The following SYNE2 variants were observed in gnomAD, a reference collection of about 807,000 sequenced individuals.
SYNE2 encodes the protein nesprin-2.
In SYNE2, 431 loss-of-function variants were observed where a neutral mutation model predicts 856.3. The ratio of observed to expected loss-of-function variants is 0.50; its 90% confidence interval spans 0.47 to 0.55. The LOEUF (loss-of-function observed/expected upper bound fraction) is 0.55. Among genes scored for constraint, SYNE2 ranks in the 20% least tolerant of loss-of-function variants. The pLI, the probability that SYNE2 is intolerant of heterozygous loss-of-function variation, is 0.00. For missense variants in SYNE2, 8,129 were observed against 8,023.2 expected (o/e 1.01, Z -0.50); for synonymous variants, 2,923 against 2,872.3 (o/e 1.02, Z -0.56).
intron 1 of SYNE2, among the ~76,000 whole-genome samples, chr14:63,842,042 G>C (rs1461087285): frequency 1.3e-5 from 2 of 151,762 alleles, no homozygotes; most frequent in Non-Finnish European, 2.9e-5. Flanking sequence ...CACCATGTTA[G>C]CCAGGGTGGT....
At chr14:64,188,353 A>AT (rs1438549972) in intron 97 of SYNE2, among the ~76,000 whole-genome samples, 197 bp from the exon 98 acceptor site, 2 of 152,130 alleles carry the variant, frequency 1.3e-5, no homozygotes, top group Non-Finnish European at 2.9e-5. Flanking sequence ...TTATTTTGTT[A>AT]TTTTTTATGA....
chr14:63,938,928 ATGTGCGTGTG>A (rs1382449070), intron 2 of SYNE2, among the ~76,000 whole-genome samples: 5 of 146,078 alleles, frequency 3.4e-5, no homozygotes, highest in East Asian at 2.0e-4. Flanking sequence ...TCTAGAGTGC[ATGTGCGTGTG>A]TGTGCGTGTG....
chr14:63,905,889 A>G (rs1007320874), intron 1 of SYNE2, among the ~76,000 whole-genome samples: 1 of 151,860 alleles, frequency 6.6e-6, no homozygotes, highest in Non-Finnish European at 1.5e-5. Context: ...TCTCAGGGGG[A>G]ATTGTTCCAG....
rs139345237 is a variant in SYNE2 at position 64,016,345 on chromosome 14, A to G, written c.4729-128A>G. On this transcript the variant is annotated intron_variant, in intron 32 of 115. Transcript: ENST00000555002. Reference sequence around the variant, plus strand: ...CGATAAAAACGTACTTTAAAAAAGAACAATGTAAGAAGGTATTATGCTTTG... The same window carrying G: ...CGATAAAAACGTACTTTAAAAAAGAGCAATGTAAGAAGGTATTATGCTTTG... 272 of 628,886 alleles carry G rather than the reference A, an allele frequency of 4.3e-4. No homozygotes were observed. In the African/African-American group the frequency reaches 4.8e-3, roughly 11 times the overall value. 39.0% of individuals were successfully genotyped at this position (628,886 alleles called of 1,614,324 possible).
At position 64,220,305 on chromosome 14, in the gene SYNE2, G is replaced by A. The variant is rs2098688467; in HGVS notation, c.19861-132G>A. On this transcript the variant is annotated intron_variant, in intron 110 of 115. Coordinates refer to ENST00000555002, the MANE Select transcript of SYNE2 (RefSeq NM_182914.3). ...CCTGATGCTTTCCAGCCAGTCCCAG[G>A]CGAGGTCACTCTCATTTCTGTGGCC... 9.9e-6 allele frequency: 10 copies of A among 1,012,076 alleles called. No homozygotes were observed. The South Asian group carries it at 1.4e-4, about 14-fold the overall frequency. 62.7% of individuals were successfully genotyped at this position (1,012,076 alleles called of 1,614,324 possible). A position where few individuals can be genotyped will look rare whatever the true frequency, so the allele number is the denominator to read the frequency against.
chr14:63,977,108 C>T (rs2096549596), intron 12 of SYNE2, among the ~76,000 whole-genome samples: 1 of 151,606 alleles, frequency 6.6e-6, no homozygotes, highest in South Asian at 2.1e-4. Context: ...TTTGAGCCTA[C>T]AAAGGAATGG....
At chr14:64,219,532 A>C (rs1459444310) in intron 110 of SYNE2, 122 bp downstream of exon 110, 1 of 950,096 alleles carries the variant, frequency 1.1e-6, no homozygotes, top group African/African-American at 1.6e-5. Context: ...GTGTATGTAG[A>C]GGTCACTCTC....
upstream of SYNE2, among the ~76,000 whole-genome samples, chr14:63,849,718 G>A (rs1372980908): frequency 1.3e-5 from 2 of 152,194 alleles, no homozygotes; most frequent in Non-Finnish European, 2.9e-5. Context: ...ATGAGATCGG[G>A]CGACAGGGAG....
At chr14:63,991,891 T>C (rs918555933) in intron 21 of SYNE2, among the ~76,000 whole-genome samples, 2 of 152,214 alleles carry the variant, frequency 1.3e-5, no homozygotes, top group African/African-American at 4.8e-5. Flanking sequence ...CTACTCTTTA[T>C]GAAAGGGCGC....
chr14:63,899,092 G>A (rs1234337716), intron 1 of SYNE2, among the ~76,000 whole-genome samples: 1 of 152,180 alleles, frequency 6.6e-6, no homozygotes, highest in African/African-American at 2.4e-5. Flanking sequence ...TTTGATGACT[G>A]TAGGTACCTT....
chr14:64,159,054 T>TTAAG (rs1226743333), intron 86 of SYNE2, among the ~76,000 whole-genome samples: 1 of 152,186 alleles, frequency 6.6e-6, no homozygotes, highest in Non-Finnish European at 1.5e-5. Flanking sequence ...ATTTCACAAT[T>TTAAG]TAAGGTTTTG....
chr14:64,020,692 T>G (rs2153532384), intron 35 of SYNE2, among the ~76,000 whole-genome samples: 1 of 152,288 alleles, frequency 6.6e-6, no homozygotes, highest in East Asian at 1.9e-4. Flanking sequence ...TTCACTCAAG[T>G]CATCCTAGGT....
chr14:63,793,478 C>A (rs1887805720), intron 1 of SYNE2, among the ~76,000 whole-genome samples: 2 of 152,196 alleles, frequency 1.3e-5, no homozygotes, highest in Admixed American at 1.3e-4. Context: ...CTGCCATTTT[C>A]ATTTTACTTC....
intron 85 of SYNE2, among the ~76,000 whole-genome samples, chr14:64,155,575 TAAAA>T (rs562563652): frequency 1.5e-5 from 2 of 131,770 alleles, no homozygotes; most frequent in Non-Finnish European, 3.3e-5. Flanking sequence ...TTCAATAAAG[TAAAA>T]AAAAAAAAAA....
chr14:63,802,098 A>G (rs1888152986), intron 1 of SYNE2, among the ~76,000 whole-genome samples: 1 of 150,888 alleles, frequency 6.6e-6, no homozygotes, highest in South Asian at 2.1e-4. Flanking sequence ...GGATAATTCT[A>G]TGTTGTTGTT....
intron 55 of SYNE2, 67 bp from the exon 56 acceptor site, chr14:64,080,389 A>G (rs574283407): frequency 2.4e-5 from 36 of 1,488,302 alleles, no homozygotes; most frequent in Non-Finnish European, 2.4e-5. Flanking sequence ...TACTGTGTGA[A>G]AACCAGGCAT....
intron 60 of SYNE2, among the ~76,000 whole-genome samples, chr14:64,092,824 C>T (rs773454097): frequency 6.6e-6 from 1 of 152,160 alleles, no homozygotes; most frequent in Non-Finnish European, 1.5e-5. Flanking sequence ...GCCTCTTACT[C>T]GTAAAACACA....
At chr14:63,859,818 G>C (rs956620916) in intron 1 of SYNE2, among the ~76,000 whole-genome samples, 5 of 152,046 alleles carry the variant, frequency 3.3e-5, no homozygotes, top group African/African-American at 1.2e-4. Flanking sequence ...TCTGCCTCGG[G>C]AAAAAGAGAA....
intron 94 of SYNE2, among the ~76,000 whole-genome samples, chr14:64,170,747 A>G (rs768559682): frequency 6.6e-6 from 1 of 152,142 alleles, no homozygotes; most frequent in Non-Finnish European, 1.5e-5. Context: ...GTTTAGGGCA[A>G]CAGACTCAAA....
Sources: allele counts gnomAD v4.1 joint callset (sites outside exome capture counted in the v4.1 genomes callset), GRCh38; gene constraint gnomAD v4.1.1; transcripts MANE v1.5; gene names NCBI Gene and HGNC (gene_info 2026-07-23, HGNC 2026-07-21).